Variants in HSPA8 observed in about 807,000 individuals in gnomAD.
HSPA8 encodes heat shock protein family A (Hsp70) member 8.
A neutral mutation model predicts 52.8 loss-of-function variants in HSPA8; 2 were observed. That is an observed-to-expected ratio of 0.04 (90% CI 0.02 to 0.12). The LOEUF is 0.12. Among genes scored for constraint, HSPA8 ranks in the 10% least tolerant of loss-of-function variants. HSPA8 has a pLI of 1.00. For synonymous variants in HSPA8, 436 were observed against 274.0 expected, an observed-to-expected ratio of 1.59 and a Z score of -5.84; for missense variants, 349 against 800.5, an observed-to-expected ratio of 0.44 and a Z score of 6.81.
In HSPA8 at chr11:123,061,349, G is replaced by C. The variant is rs773037971; in HGVS notation, c.-5-20C>G. ...TGGTTGCTGAAAAAAAGAAAAATCT[G>C]GTTTAAAAATTCAATTAATCAAAAT... On this transcript the variant is annotated intron_variant, in intron 1 of 8. Transcript: ENST00000534624. 5.7e-6 allele frequency: 9 copies of C among 1,580,436 alleles called. No homozygotes were observed. The highest frequency in any genetic ancestry group is 1.7e-4 in the Middle Eastern group (1 of 6,008).
chr11:123,058,063 C>CT (rs1209903714), intron 8 of HSPA8, 144 bp from the exon 9 acceptor site: 2 of 740,880 alleles, frequency 2.7e-6, no homozygotes, highest in African/African-American at 3.6e-5. Flanking sequence ...CTTATTCTTC[C>CT]TTAACATCTT....
chr11:123,061,218 C>T lies in HSPA8; in HGVS notation c.107G>A (p.Arg36Gln). The T allele has an allele frequency of 1.9e-6, 3 of 1,613,870 alleles. No individual in the cohort carries two copies. The highest frequency in any genetic ancestry group is 1.3e-5 in the African/African-American group (1 of 75,030). The change falls in exon 2 of 9, where the codon CGA becomes CAA. Residue 36 changes from arginine to glutamine, a missense_variant. Transcript: ENST00000534624. The stretch of plus-strand genomic sequence containing the variant: ...AAAGGCGACATAGCTTGGAGTGGTT[C>T]GGTTTCCCTGATCATTGGCAATTAT... Reference protein sequence around the residue: ...VEIIANDQGNRTTPSYVAFTD... With the variant: ...VEIIANDQGNQTTPSYVAFTD...
At chr11:123,058,523 A>G in intron 7 of HSPA8, 39 bp from the exon 8 acceptor site, 1 of 1,594,218 alleles carries the variant, frequency 6.3e-7, no homozygotes, top group South Asian at 1.1e-5. Flanking sequence ...GCCTTAAATT[A>G]CCTGTGTATG....
Position 123,060,678 on chromosome 11 carries a change from C to T in HSPA8, c.326G>A (p.Gly109Glu), listed in dbSNP as rs781044959. 2 of 1,613,736 alleles carry T rather than the reference C, an allele frequency of 1.2e-6. No homozygotes were observed. The highest frequency in any genetic ancestry group is 1.7e-6 in the Non-Finnish European group (2 of 1,179,770). Residue 109 changes from glycine (G) to glutamate (E), a missense_variant, in exon 3 of 9, where the codon GGA becomes GAA. Gly to Glu is a moderately conservative substitution (Grantham distance 98, BLOSUM62 -2). Transcript: ENST00000534624. ...GRPKVQVEYK[G>E]ETKSFYPEEV... is the part of the protein sequence containing the mutation. ...CTCTGGATAGAAGCTTTTGGTCTCT[C>T]CCTTGTATTCTACTTGGACCTTGGG...
Position 123,059,513 on chromosome 11 carries a change from ATTCAG to A in HSPA8, c.1075_1079del (p.Leu359Ter), listed in dbSNP as rs1484215050. 6.2e-7 allele frequency: 1 copy of A among 1,614,004 alleles called. No individual in the cohort carries two copies. Among genetic ancestry groups the A allele is most frequent in the Admixed American group, 1.7e-5 (1 of 59,972 alleles). On this transcript the variant is annotated frameshift_variant, in exon 5 of 9. Coordinates refer to ENST00000534624, the MANE Select transcript of HSPA8 (RefSeq NM_006597.6). LOFTEE classifies it high-confidence loss of function. ...CAGCTTCATCAGGGTTGATGCTCTT[ATTCAG>A]TTCTTTTCCATTGAAGAAGTCTTGG... is the stretch of plus-strand genomic sequence containing the variant.
At chr11:123,058,221 GGGA>G in intron 8 of HSPA8, 28 bp downstream of exon 8, 1 of 1,219,036 alleles carries the variant, frequency 8.2e-7, no homozygotes, top group Non-Finnish European at 1.2e-6. Flanking sequence ...CATTGAGTGG[GGGA>G]GGAAAAAAAA....
chr11:123,061,350 G>C (rs766071473), intron 1 of HSPA8, 21 bp from the exon 2 acceptor site: 3 of 1,576,798 alleles, frequency 1.9e-6, no homozygotes, highest in African/African-American at 1.4e-5. Context: ...GAAAAATCTG[G>C]TTTAAAAATT....
chr11:123,060,309 C>T (rs76100066), intron 3 of HSPA8, 41 bp from the exon 4 acceptor site: 28,569 of 1,585,240 alleles, frequency 0.018, 328 homozygotes, highest in Non-Finnish European at 0.02. Context: ...AACTATTATA[C>T]TTACATATAT....
intron 8 of HSPA8, 70 bp from the exon 9 acceptor site, chr11:123,057,989 ATC>A: frequency 8.0e-7 from 1 of 1,250,282 alleles, no homozygotes; most frequent in South Asian, 1.4e-5. Flanking sequence ...CCCTGACGCA[ATC>A]TGATACTAAA....
At chr11:123,060,819 A>C in intron 2 of HSPA8, 21 bp from the exon 3 acceptor site, 2 of 1,588,586 alleles carry the variant, frequency 1.3e-6, no homozygotes, top group Non-Finnish European at 1.7e-6. Context: ...TGTCAAATGA[A>C]AACACTTTCA....
Position 123,058,240 on chromosome 11 carries a change from A to AC in HSPA8, c.1755+11_1755+12insG, listed in dbSNP as rs781661964. The AC allele has an allele frequency of 3.0e-5, 45 of 1,515,910 alleles. No homozygotes were observed. The highest frequency in any genetic ancestry group is 3.5e-4 in the Middle Eastern group (2 of 5,774). 93.9% of individuals were successfully genotyped at this position (1,515,910 alleles called of 1,614,324 possible). On this transcript the variant is annotated intron_variant, in intron 8 of 8. Transcript: ENST00000534624. ...GAGTGGGGGAGGAAAAAAAAAAAAA[A>AC]AAAACACAAACCTGATTCTTATCAA...
chr11:123,058,930 G>T, intron 6 of HSPA8, 100 bp from the exon 7 acceptor site: 2 of 1,398,632 alleles, frequency 1.4e-6, no homozygotes, highest in Non-Finnish European at 2.0e-6. Context: ...TCCAAGGAAG[G>T]AACTGGCCAA....
At chr11:123,058,230 A>AG (rs1565366567) in intron 8 of HSPA8, 22 bp downstream of exon 8, 1 of 1,341,912 alleles carries the variant, frequency 7.5e-7, no homozygotes, top group Non-Finnish European at 1.0e-6. Context: ...GGGGAGGAAA[A>AG]AAAAAAAAAA....
At position 123,059,468 on chromosome 11, in the gene HSPA8, G is replaced by C. The variant is rs751214436; in HGVS notation, c.1120+5C>G. 6.2e-7 allele frequency: 1 copy of C among 1,609,786 alleles called. No individual in the cohort carries two copies. Among genetic ancestry groups the C allele is most frequent in the Non-Finnish European group, 8.5e-7 (1 of 1,177,484 alleles). Reference sequence around the variant, plus strand: ...CTTTAGGGTTAATTGAGATACCATTGTTACCTGCACCATAAGCAACAGCTT... The same window carrying C: ...CTTTAGGGTTAATTGAGATACCATTCTTACCTGCACCATAAGCAACAGCTT... On this transcript the variant is annotated splice_donor_5th_base_variant and intron_variant, in intron 5 of 8. Transcript: ENST00000534624.
rs1469224162 is a variant in HSPA8, at chr11:123,060,928, T to G, written c.206-130A>C. The G allele has an allele frequency of 6.4e-6, 6 of 932,424 alleles. No homozygotes were observed. In the Admixed American group the frequency reaches 7.1e-5, roughly 11 times the overall value. 57.8% of individuals were successfully genotyped at this position (932,424 alleles called of 1,614,324 possible). ...CAACTACCATATAGGTAGCAAAGGT[T>G]CAAACTTCAACCTCCTACGTTATCC... On this transcript the variant is annotated intron_variant, in intron 2 of 8. Transcript: ENST00000534624.
In HSPA8 at chr11:123,060,770, A is replaced by G; in HGVS notation, c.234T>C (p.Phe78=). The change falls in exon 3 of 9, where the codon TTT becomes TTC. Residue 78 remains phenylalanine (F), a synonymous_variant. Coordinates refer to ENST00000534624, the MANE Select transcript of HSPA8 (RefSeq NM_006597.6). ...TATCAGACTGGACAACAGCATCATC[A>G]AATCTGCGTCCAATCAGACGTTTGG... ...FDAKRLIGRR[F]DDAVVQSDMK... is the part of the protein sequence containing the mutation. 1 of 1,614,048 alleles carries G rather than the reference A, an allele frequency of 6.2e-7. No homozygotes were observed. Among genetic ancestry groups the G allele is most frequent in the African/African-American group, 1.3e-5 (1 of 74,990 alleles).
intron 2 of HSPA8, 77 bp from the exon 3 acceptor site, chr11:123,060,875 T>C (rs1281778778): frequency 7.6e-7 from 1 of 1,311,796 alleles, no homozygotes; most frequent in African/African-American, 1.5e-5. Flanking sequence ...ATTACTCAAA[T>C]ACCTAACAGT....
In HSPA8 at chr11:123,061,596, G is replaced by A. The variant is rs557116904; in HGVS notation, c.-5-267C>T. On this transcript the variant is annotated intron_variant, in intron 1 of 8. Coordinates refer to ENST00000534624, the MANE Select transcript of HSPA8 (RefSeq NM_006597.6). ...TCAACACGTGGTCTTACCCCGAACT[G>A]AGCACTGTCTGTTCCCCTCCCTCGC... 1,285 of 507,340 alleles carry A rather than the reference G, an allele frequency of 2.5e-3. 4 individuals are homozygous for A. The highest frequency in any genetic ancestry group is 4.0e-3 in the Non-Finnish European group (1,114 of 279,772). The allele number at this position is 507,340 out of a possible 1,614,324, so 31.4% of individuals were successfully genotyped here.
chr11:123,060,336 G>T (rs755528318), intron 3 of HSPA8, 68 bp from the exon 4 acceptor site: 1 of 1,425,192 alleles, frequency 7.0e-7, no homozygotes, highest in South Asian at 1.2e-5. Context: ...TCCAGCAAAT[G>T]GATTAATGCT....
Sources: gnomAD v4.1 joint callset for allele counts on GRCh38, gnomAD v4.1.1 for gene constraint, MANE v1.5 for transcripts, NCBI Gene and HGNC (gene_info 2026-07-23, HGNC 2026-07-21) for gene names.